KCNMA1: variants seen among roughly 807,000 people sequenced by gnomAD.
The protein encoded by KCNMA1 is potassium calcium-activated channel subfamily M alpha 1, also known as Calcium-activated potassium channel subunit alpha-1.
Under a neutral mutation model 140.0 loss-of-function variants are expected in KCNMA1, and 29 were observed. The ratio of observed to expected loss-of-function variants is 0.21; its 90% CI spans 0.15 to 0.28. KCNMA1 has a LOEUF of 0.28. Ranked by LOEUF, KCNMA1 falls within the 10% of genes least tolerant of loss-of-function variation. KCNMA1 has a pLI of 1.00. For synonymous variants in KCNMA1, 612 were observed against 611.9 expected, an observed-to-expected ratio of 1.00 and a Z score of 0.00; for missense variants, 880 against 1,602.2, an observed-to-expected ratio of 0.55 and a Z score of 7.70.
At chr10:77,616,559 A>C (rs919447560) in intron 1 of KCNMA1, among the ~76,000 whole-genome samples, 1 of 152,172 alleles carries the variant, frequency 6.6e-6, no homozygotes, top group Non-Finnish European at 1.5e-5. Flanking sequence ...TAATCCCAGC[A>C]CTTTGGGAGG....
rs544067790 is a variant in KCNMA1, at chr10:77,490,016, T to C, written c.379-85993A>G. 3.9e-5 allele frequency among the ~76,000 whole-genome samples: 6 copies of C among 152,314 alleles called. No homozygotes were observed. The East Asian group carries it at 5.8e-4, about 15-fold the overall frequency. On this transcript the variant is annotated intron_variant, in intron 1 of 27. Transcript: ENST00000286628. ...ACATTTTGGTCCAGATTACTCTTTA[T>C]TGAGGAGGGTTATCCTGTGTATTAT...
At chr10:77,074,740 A>T (rs182297655) in intron 13 of KCNMA1, among the ~76,000 whole-genome samples, 24 of 152,232 alleles carry the variant, frequency 1.6e-4, no homozygotes, top group African/African-American at 5.8e-4. Flanking sequence ...TGTCCCTAAG[A>T]CTCAGTAAGT....
chr10:76,918,400 T>G (rs931683326), intron 23 of KCNMA1, among the ~76,000 whole-genome samples: 1 of 152,230 alleles, frequency 6.6e-6, no homozygotes, highest in African/African-American at 2.4e-5. Flanking sequence ...CCTGATTCTT[T>G]AGCCATGTAC....
At chr10:77,439,966 C>T (rs1440926877) in intron 1 of KCNMA1, among the ~76,000 whole-genome samples, 3 of 152,198 alleles carry the variant, frequency 2.0e-5, no homozygotes, top group African/African-American at 4.8e-5. Context: ...CAGTGTCCCA[C>T]GCACAGTAAA....
At chr10:76,882,296 C>T (rs967833800), downstream of KCNMA1, among the ~76,000 whole-genome samples, 1 of 152,160 alleles carries the variant, frequency 6.6e-6, no homozygotes, top group African/African-American at 2.4e-5. Flanking sequence ...TCTCACTACA[C>T]CACAAGCTGA....
chr10:77,075,648 T>C (rs2096370661), intron 13 of KCNMA1, among the ~76,000 whole-genome samples: 1 of 152,220 alleles, frequency 6.6e-6, no homozygotes, highest in African/African-American at 2.4e-5. Flanking sequence ...CACTTGGCCA[T>C]GTGATTATAT....
At chr10:77,264,583 C>T (rs570183291) in intron 2 of KCNMA1, among the ~76,000 whole-genome samples, 5 of 152,282 alleles carry the variant, frequency 3.3e-5, no homozygotes, top group Admixed American at 6.5e-5. Context: ...CCAGAAAATG[C>T]GTGGAGATCT....
At chr10:77,520,182 T>G in intron 1 of KCNMA1, among the ~76,000 whole-genome samples, 1 of 107,500 alleles carries the variant, frequency 9.3e-6, no homozygotes, top group Non-Finnish European at 1.9e-5. Flanking sequence ...AGGGCTGGGG[T>G]ATGCAGTGTG....
intron 1 of KCNMA1, among the ~76,000 whole-genome samples, chr10:77,573,836 C>CTTT (rs71028290): frequency 3.0e-5 from 4 of 133,712 alleles, no homozygotes; most frequent in South Asian, 2.4e-4. Flanking sequence ...TTATAATACT[C>CTTT]TTTTTTTTTT....
chr10:76,964,139 T>A (rs1282017818), intron 20 of KCNMA1, among the ~76,000 whole-genome samples: 1 of 151,352 alleles, frequency 6.6e-6, no homozygotes, highest in South Asian at 2.1e-4. Context: ...GAGACACCAC[T>A]GCCCACCACC....
chr10:77,587,692 C>T, intron 1 of KCNMA1: 1 of 985,388 alleles, frequency 1.0e-6, no homozygotes, highest in Non-Finnish European at 1.2e-6. Context: ...CACATCAGAT[C>T]TGCTCCCAGT....
In KCNMA1 at chr10:76,894,799, TA is replaced by T. The variant is rs1286995494; in HGVS notation, c.3148-3081del. 2.0e-5 allele frequency among the ~76,000 whole-genome samples: 3 copies of T among 151,996 alleles called. No homozygotes were observed. The East Asian group carries it at 5.8e-4, about 29-fold the overall frequency. On this transcript the variant is annotated intron_variant, in intron 25 of 27. Transcript: ENST00000286628. ...TTTACACCTACTAGAATAGCTGTAA[TA>T]AAAAAGACTGATGATAATAACAAGA... is the stretch of plus-strand genomic sequence containing the variant.
At chr10:77,194,773 A>G (rs2039874776) in intron 3 of KCNMA1, among the ~76,000 whole-genome samples, 1 of 152,118 alleles carries the variant, frequency 6.6e-6, no homozygotes, top group Non-Finnish European at 1.5e-5. Flanking sequence ...CAAGGTCTAC[A>G]CTAACAAAGA....
chr10:77,555,785 T>C (rs2064159353), intron 1 of KCNMA1, among the ~76,000 whole-genome samples: 1 of 152,198 alleles, frequency 6.6e-6, no homozygotes, highest in African/African-American at 2.4e-5. Flanking sequence ...AGCTCCTCCA[T>C]GCCTCTAGCA....
chr10:77,042,785 C>T (rs1254778169), intron 14 of KCNMA1, among the ~76,000 whole-genome samples: 1 of 152,158 alleles, frequency 6.6e-6, no homozygotes, highest in Non-Finnish European at 1.5e-5. Flanking sequence ...AGAAGGAACA[C>T]ATTTTTTGTA....
At chr10:77,545,939 G>A (rs986165880) in intron 1 of KCNMA1, among the ~76,000 whole-genome samples, 8 of 152,072 alleles carry the variant, frequency 5.3e-5, no homozygotes, top group Non-Finnish European at 8.8e-5. Flanking sequence ...CTGATGTCCT[G>A]AAATCCAAGC....
chr10:77,472,403 GAC>G (rs1327329240), intron 1 of KCNMA1, among the ~76,000 whole-genome samples: 1 of 107,576 alleles, frequency 9.3e-6, no homozygotes, highest in African/African-American at 3.8e-5. Context: ...CACAGACACA[GAC>G]ACATACACAT....
chr10:77,239,040 A>C (rs957039939), intron 3 of KCNMA1, among the ~76,000 whole-genome samples: 2 of 152,038 alleles, frequency 1.3e-5, no homozygotes, highest in African/African-American at 4.8e-5. Flanking sequence ...CTCCTTGTCT[A>C]CTCCTCAGCC....
At chr10:77,587,628 G>T in intron 1 of KCNMA1, 3 of 831,040 alleles carry the variant, frequency 3.6e-6, no homozygotes, top group Non-Finnish European at 4.4e-6. Flanking sequence ...TGGGCTGCGG[G>T]CCCCTGAGTG....
Sources: allele counts gnomAD v4.1 joint callset (sites outside exome capture counted in the v4.1 genomes callset), GRCh38; gene constraint gnomAD v4.1.1; transcripts MANE v1.5; gene names NCBI Gene and HGNC (gene_info 2026-07-23, HGNC 2026-07-21).